The following REV1 variants were observed in gnomAD, a reference collection of about 807,000 sequenced individuals.
REV1 encodes the protein translesion synthesis protein REV1.
A neutral mutation model predicts 137.4 loss-of-function variants in REV1; 42 were observed. The ratio of observed to expected loss-of-function variants is 0.31; its 90% CI spans 0.24 to 0.40. The LOEUF (loss-of-function observed/expected upper bound fraction) is 0.40. Ranked by LOEUF, REV1 falls within the 10% of genes least tolerant of loss-of-function variation. REV1 has a pLI of 1.00. For missense variants in REV1, 1,282 were observed against 1,490.1 expected (o/e 0.86, Z 2.30); for synonymous variants, 524 against 519.2 (o/e 1.01, Z -0.12).
intron 3 of REV1, chr2:99,451,344 C>A: frequency 7.9e-7 from 1 of 1,261,684 alleles, no homozygotes. Context: ...AAAGTACTCA[C>A]CCGTCTACTA....
intron 1 of REV1, among the ~76,000 whole-genome samples, chr2:99,470,421 A>G (rs1264385192): frequency 6.6e-6 from 1 of 152,244 alleles, no homozygotes; most frequent in African/African-American, 2.4e-5. Flanking sequence ...TTAGGAATAA[A>G]TAGTAACTTC....
intron 6 of REV1, among the ~76,000 whole-genome samples, chr2:99,436,990 GTTTT>G (rs749608176): frequency 3.1e-5 from 4 of 128,896 alleles, no homozygotes; most frequent in South Asian, 5.0e-4. Context: ...CTTTTTTTTT[GTTTT>G]TTTTTTTTTT....
chr2:99,402,534 A>T, intron 21 of REV1, 110 bp downstream of exon 21: 6 of 1,140,978 alleles, frequency 5.3e-6, no homozygotes, highest in Non-Finnish European at 7.6e-6. Context: ...CTTTAAGCTT[A>T]TCAGAGTTAG....
intron 15 of REV1, 106 bp from the exon 16 acceptor site, chr2:99,406,596 G>T: frequency 1.2e-6 from 1 of 865,258 alleles, no homozygotes; most frequent in Non-Finnish European, 1.7e-6. Context: ...CCTGGATCCT[G>T]TTTCTAGAAT....
At chr2:99,482,334 A>AT (rs1559425445) in intron 1 of REV1, among the ~76,000 whole-genome samples, 1 of 152,130 alleles carries the variant, frequency 6.6e-6, no homozygotes, top group Non-Finnish European at 1.5e-5. Context: ...GCTGGTCCTG[A>AT]TTTGTATCAT....
At chr2:99,447,217 C>T (rs1262899031) in intron 4 of REV1, among the ~76,000 whole-genome samples, 8 of 151,286 alleles carry the variant, frequency 5.3e-5, no homozygotes, top group Non-Finnish European at 7.4e-5. Flanking sequence ...AGTGCAGTGG[C>T]GTGATCTCAG....
Position 99,428,689 on chromosome 2 carries a change from A to C in REV1, c.1547+1151T>G, listed in dbSNP as rs142071775. On this transcript the variant is annotated intron_variant, in intron 9 of 22. Transcript: ENST00000258428. The stretch of plus-strand genomic sequence containing the variant: ...AGATGCCTGAATAGCCACAACTCTG[A>C]ATCAAGACTAAAAAGATGTAACTAG... Among the ~76,000 whole-genome samples the C allele has an allele frequency of 5.1e-4, 77 of 152,288 alleles. 1 individual carries two copies. In the East Asian group the frequency reaches 0.015, roughly 29 times the overall value.
chr2:99,489,433 GGAA>G (rs1687451339), intron 1 of REV1, among the ~76,000 whole-genome samples: 1 of 151,794 alleles, frequency 6.6e-6, no homozygotes, highest in Non-Finnish European at 1.5e-5. Context: ...CGGCGCAGGA[GGAA>G]GGAGTTTGCG....
intron 1 of REV1, among the ~76,000 whole-genome samples, chr2:99,489,415 C>G (rs1473007541): frequency 6.6e-6 from 1 of 151,842 alleles, no homozygotes; most frequent in Non-Finnish European, 1.5e-5. Flanking sequence ...AATGGCCGGC[C>G]GAGGCGCCGG....
At chr2:99,456,067 T>C (rs776482735) in intron 3 of REV1, among the ~76,000 whole-genome samples, 1 of 152,198 alleles carries the variant, frequency 6.6e-6, no homozygotes, top group Non-Finnish European at 1.5e-5. Flanking sequence ...TCACTCCCCC[T>C]GGGCAGCTTT....
In REV1 at chr2:99,403,756, C is replaced by G. The variant is rs183307465; in HGVS notation, c.3105G>C (p.Ala1035=). 2.4e-4 allele frequency: 395 copies of G among 1,614,176 alleles called. 1 individual carries two copies. In the Admixed American group the frequency reaches 3.1e-3, roughly 13 times the overall value. The change falls in exon 19 of 23, where the codon GCG becomes GCC. Residue 1035 remains alanine, a synonymous_variant. Coordinates refer to ENST00000258428, the MANE Select transcript of REV1 (RefSeq NM_016316.4). The stretch of plus-strand genomic sequence containing the variant: ...CGCCCTGCCTTTGTCTTTGATCATA[C>G]GCTGCTTTCAGCTCCCTCTGAAGTT... ...PAELQRELKA[A]YDQRQRQGEN... is the part of the protein sequence containing the mutation.
In REV1 at chr2:99,454,582, A is replaced by C. The variant is rs11889026; in HGVS notation, c.182-5078T>G. On this transcript the variant is annotated intron_variant, in intron 3 of 22. Coordinates refer to ENST00000258428, the MANE Select transcript of REV1 (RefSeq NM_016316.4). The stretch of plus-strand genomic sequence containing the variant: ...AAAAAAAAAAAAAAAAAAAAAAAAA[A>C]AAAAAAAAACCCAAAAATTACGTGT... 4.7e-4 allele frequency among the ~76,000 whole-genome samples: 65 copies of C among 139,560 alleles called. 5 individuals are homozygous for C. Among genetic ancestry groups the C allele is most frequent in the South Asian group, 7.1e-4 (3 of 4,226 alleles). 91.6% of individuals were successfully genotyped at this position (139,560 alleles called of 152,430 possible).
At chr2:99,458,669 T>C (rs967226445) in intron 3 of REV1, among the ~76,000 whole-genome samples, 1 of 152,198 alleles carries the variant, frequency 6.6e-6, no homozygotes. Context: ...GTTAACAAAC[T>C]GGTACATCCA....
chr2:99,485,618 G>T (rs184682373), intron 1 of REV1, among the ~76,000 whole-genome samples: 1 of 152,290 alleles, frequency 6.6e-6, no homozygotes, highest in African/African-American at 2.4e-5. Flanking sequence ...CCACTCTGGT[G>T]GGCGGTTGTT....
At chr2:99,469,599 C>A (rs1401692971) in intron 1 of REV1, among the ~76,000 whole-genome samples, 1 of 152,182 alleles carries the variant, frequency 6.6e-6, no homozygotes, top group African/African-American at 2.4e-5. Context: ...TGAATGCCTA[C>A]ACAAGACTTC....
chr2:99,403,856 T>G lies in REV1; in HGVS notation c.3046-41A>C. The G allele has an allele frequency of 1.9e-6, 3 of 1,607,114 alleles. No homozygotes were observed. In the South Asian group the frequency reaches 3.3e-5, roughly 18 times the overall value. The stretch of plus-strand genomic sequence containing the variant: ...AGGTCAAAGTCAAACCTGAGCTAAT[T>G]GTAGATGGTAGCTGGTTTCTCTTTT... On this transcript the variant is annotated intron_variant, in intron 18 of 22. Transcript: ENST00000258428.
At chr2:99,451,608 CT>C in intron 3 of REV1, 1 of 601,986 alleles carries the variant, frequency 1.7e-6, no homozygotes, top group Non-Finnish European at 2.8e-6. Flanking sequence ...TGTTTAACTT[CT>C]TTAGGCTTTC....
intron 5 of REV1, among the ~76,000 whole-genome samples, chr2:99,440,734 G>GGGGGTAT (rs1222734899): frequency 6.6e-6 from 1 of 152,188 alleles, no homozygotes; most frequent in East Asian, 1.9e-4. Context: ...AAAATGTACT[G>GGGGGTAT]AATATACCCC....
chr2:99,486,111 C>CA (rs1484604769), intron 1 of REV1, among the ~76,000 whole-genome samples: 1 of 152,206 alleles, frequency 6.6e-6, no homozygotes, highest in Non-Finnish European at 1.5e-5. Flanking sequence ...GGCAACAGAG[C>CA]AAGACCCTGT....
Sources: gnomAD v4.1 joint callset for allele counts (sites outside exome capture counted in the v4.1 genomes callset) on GRCh38, gnomAD v4.1.1 for gene constraint, MANE v1.5 for transcripts, NCBI Gene and HGNC (gene_info 2026-07-23, HGNC 2026-07-21) for gene names.